The following CNTNAP2 variants were observed in gnomAD, a reference collection of about 807,000 sequenced individuals.
CNTNAP2 encodes contactin associated protein 2.
In CNTNAP2, 98 loss-of-function variants were observed where a neutral mutation model predicts 155.2. The ratio of observed to expected loss-of-function variants is 0.63; its 90% CI spans 0.54 to 0.75. CNTNAP2 has a LOEUF of 0.75. CNTNAP2 is among the 30% of genes least tolerant of loss of function. CNTNAP2 has a pLI of 0.00. For missense variants in CNTNAP2, 1,727 were observed against 1,688.1 expected (o/e 1.02, Z -0.40); for synonymous variants, 651 against 631.2 (o/e 1.03, Z -0.47).
chr7:147,834,439 CAG>C (rs1005397171), intron 13 of CNTNAP2, among the ~76,000 whole-genome samples: 24 of 151,236 alleles, frequency 1.6e-4, no homozygotes, highest in Non-Finnish European at 2.7e-4. Flanking sequence ...TCTAAAACTA[CAG>C]AGTGTTGTAA....
chr7:146,526,679 A>G (rs1458175195), intron 1 of CNTNAP2, among the ~76,000 whole-genome samples: 6 of 152,160 alleles, frequency 3.9e-5, no homozygotes, highest in Admixed American at 2.6e-4. Flanking sequence ...AAACTGTGTC[A>G]CCTACTATTG....
chr7:147,001,775 A>G (rs1236618377), intron 3 of CNTNAP2, among the ~76,000 whole-genome samples: 1 of 152,076 alleles, frequency 6.6e-6, no homozygotes, highest in African/African-American at 2.4e-5. Context: ...ATTTGAAAAA[A>G]AAGAAAAGAT....
chr7:147,165,280 G>A (rs1802094404), intron 8 of CNTNAP2, among the ~76,000 whole-genome samples: 1 of 151,752 alleles, frequency 6.6e-6, no homozygotes, highest in Admixed American at 6.6e-5. Flanking sequence ...CATATTTGTT[G>A]GCCATTTGTA....
At chr7:147,197,169 C>T (rs139128506) in intron 8 of CNTNAP2, among the ~76,000 whole-genome samples, 2 of 152,012 alleles carry the variant, frequency 1.3e-5, no homozygotes, top group Non-Finnish European at 2.9e-5. Context: ...AACTTCACTT[C>T]AGCCTCTGAT....
chr7:146,840,004 A>C, intron 3 of CNTNAP2, 100 bp downstream of exon 3: 1 of 1,328,070 alleles, frequency 7.5e-7, no homozygotes, highest in Non-Finnish European at 1.0e-6. Flanking sequence ...ATATTTATGT[A>C]TTCAAATCAT....
At chr7:147,581,604 A>G (rs1800501264) in intron 12 of CNTNAP2, among the ~76,000 whole-genome samples, 1 of 152,230 alleles carries the variant, frequency 6.6e-6, no homozygotes, top group South Asian at 2.1e-4. Context: ...CCAGTAGCTC[A>G]GAGTAAGTGT....
intron 4 of CNTNAP2, among the ~76,000 whole-genome samples, chr7:147,073,325 A>C (rs1434583275): frequency 1.3e-5 from 2 of 151,924 alleles, no homozygotes; most frequent in African/African-American, 2.4e-5. Context: ...AAAAAAAAAA[A>C]AAACCACAAA....
At chr7:146,187,355 G>T (rs1798638846) in intron 1 of CNTNAP2, among the ~76,000 whole-genome samples, 1 of 152,168 alleles carries the variant, frequency 6.6e-6, no homozygotes, top group Non-Finnish European at 1.5e-5. Context: ...GGCTGCTTTT[G>T]GCAATGGTAG....
intron 13 of CNTNAP2, among the ~76,000 whole-genome samples, chr7:147,877,917 T>C (rs1197111568): frequency 6.6e-6 from 1 of 152,222 alleles, no homozygotes; most frequent in Non-Finnish European, 1.5e-5. Flanking sequence ...AATATTACCA[T>C]TTAATACCCT....
chr7:147,708,381 G>T (rs942004280), intron 13 of CNTNAP2, among the ~76,000 whole-genome samples: 1 of 152,156 alleles, frequency 6.6e-6, no homozygotes, highest in Non-Finnish European at 1.5e-5. Flanking sequence ...TGCATTGGCT[G>T]CAGGTGAGGA....
At chr7:147,120,024 C>T (rs986909614) in intron 5 of CNTNAP2, among the ~76,000 whole-genome samples, 5 of 151,984 alleles carry the variant, frequency 3.3e-5, no homozygotes, top group Admixed American at 1.3e-4. Flanking sequence ...AGTTTTGTTG[C>T]TATGGAGATC....
intron 11 of CNTNAP2, among the ~76,000 whole-genome samples, chr7:147,554,625 T>C (rs1799915767): frequency 6.6e-6 from 1 of 152,274 alleles, no homozygotes; most frequent in East Asian, 1.9e-4. Context: ...CTCCCTCCCC[T>C]TGAGGCTTGG....
chr7:146,750,360 G>A (rs1043677151), intron 1 of CNTNAP2, among the ~76,000 whole-genome samples: 1 of 152,056 alleles, frequency 6.6e-6, no homozygotes, highest in Non-Finnish European at 1.5e-5. Context: ...TGCTCTGTAT[G>A]CTCAGCTACT....
chr7:147,665,705 A>G (rs1795682129), intron 13 of CNTNAP2, among the ~76,000 whole-genome samples: 2 of 152,176 alleles, frequency 1.3e-5, no homozygotes, highest in South Asian at 4.1e-4. Flanking sequence ...CCCACTTATA[A>G]GTGAGAACAT....
intron 4 of CNTNAP2, among the ~76,000 whole-genome samples, chr7:147,056,073 A>G (rs1799556019): frequency 6.6e-6 from 1 of 152,234 alleles, no homozygotes; most frequent in Non-Finnish European, 1.5e-5. Context: ...TCCGAATTTA[A>G]TATCACCGTA....
chr7:147,231,228 C>A (rs1684257519), intron 8 of CNTNAP2, among the ~76,000 whole-genome samples: 3 of 152,208 alleles, frequency 2.0e-5, no homozygotes, highest in African/African-American at 7.2e-5. Flanking sequence ...ACCTAATGTC[C>A]TCCAGTTTCA....
chr7:146,638,675 C>T lies in CNTNAP2; in HGVS notation c.98-135596C>T, dbSNP rs557994707. Reference sequence around the variant, plus strand: ...AATTTTTTTGTATTTTTAGTAGAGACGGGGTTTCACCGTGTTAGCCAGGAT... The same window carrying T: ...AATTTTTTTGTATTTTTAGTAGAGATGGGGTTTCACCGTGTTAGCCAGGAT... On this transcript the variant is annotated intron_variant, in intron 1 of 23. Transcript: ENST00000361727. Among the ~76,000 whole-genome samples the T allele has an allele frequency of 6.6e-5, 10 of 151,408 alleles. No individual in the cohort carries two copies. The South Asian group carries it at 1.1e-3, about 16-fold the overall frequency.
At chr7:146,494,116 C>T (rs1409849555) in intron 1 of CNTNAP2, among the ~76,000 whole-genome samples, 1 of 152,068 alleles carries the variant, frequency 6.6e-6, no homozygotes. Flanking sequence ...GGGCGGATCA[C>T]AAGGTCAGGA....
intron 1 of CNTNAP2, among the ~76,000 whole-genome samples, chr7:146,185,761 CTTTTTT>C (rs1554400924): frequency 2.1e-5 from 2 of 94,888 alleles, no homozygotes; most frequent in African/African-American, 8.0e-5. Flanking sequence ...TTTTATTATT[CTTTTTT>C]TTTTTTTTTT....
Sources: allele counts gnomAD v4.1 joint callset (sites outside exome capture counted in the v4.1 genomes callset), GRCh38; gene constraint gnomAD v4.1.1; transcripts MANE v1.5; gene names NCBI Gene and HGNC (gene_info 2026-07-23, HGNC 2026-07-21).